FOXE3: variants seen among roughly 807,000 people sequenced by gnomAD.
The protein encoded by FOXE3 is forkhead box protein E3.
For missense variants in FOXE3, 520 were observed against 507.8 expected (o/e 1.02, Z -0.23); for synonymous variants, 274 against 258.3 (o/e 1.06, Z -0.58).
chr1:47,416,476 C>A lies in FOXE3; in HGVS notation c.161C>A (p.Thr54Lys), dbSNP rs1646883172. Residue 54 changes from threonine (T) to lysine (K), a missense_variant, in exon 1 of 1, where the codon ACG becomes AAG. Coordinates refer to ENST00000335071, the MANE Select transcript of FOXE3 (RefSeq NM_012186.3). The surrounding 1 kb of genome is among the most constrained non-coding windows in gnomAD (Gnocchi z 4.2). ...AAAGRGEAAP[T>K]PAPGPGRRRR... Reference sequence around the variant, plus strand: ...GCTGGCCGCGGAGAGGCGGCCCCCACGCCCGCGCCCGGCCCGGGGCGGCGG... The same window carrying A: ...GCTGGCCGCGGAGAGGCGGCCCCCAAGCCCGCGCCCGGCCCGGGGCGGCGG... The A allele has an allele frequency of 1.7e-6, 2 of 1,151,386 alleles. No individual in the cohort carries two copies. The highest frequency in any genetic ancestry group is 2.1e-6 in the Non-Finnish European group (2 of 936,572). 71.3% of individuals were successfully genotyped at this position (1,151,386 alleles called of 1,614,324 possible).
Position 47,416,657 on chromosome 1 carries a change from GTGGCA to G in FOXE3, c.343_347del (p.Trp115GlufsTer168), listed in dbSNP as rs958241794. Reference sequence around the variant, plus strand: ...CCTTCTACCGCGACAGCCCGCGCAAGTGGCAGAACAGCATCCGCCACAATCTCACG... The same window carrying G: ...CCTTCTACCGCGACAGCCCGCGCAAGGAACAGCATCCGCCACAATCTCACG... On this transcript the variant is annotated frameshift_variant, in exon 1 of 1. Coordinates refer to ENST00000335071, the MANE Select transcript of FOXE3 (RefSeq NM_012186.3). LOFTEE classifies it low-confidence loss of function (END_TRUNC). This position sits in a 1 kb window ranked among gnomAD's most constrained non-coding sequence, Gnocchi z 4.2. 8 of 1,610,190 alleles carry G rather than the reference GTGGCA, an allele frequency of 5.0e-6. No individual in the cohort carries two copies. Among genetic ancestry groups the G allele is most frequent in the Non-Finnish European group, 6.8e-6 (8 of 1,178,158 alleles).
In FOXE3 at chr1:47,416,564, T is replaced by A. The variant is rs2124042180; in HGVS notation, c.249T>A (p.Ala83=). Residue 83 remains alanine, a synonymous_variant, in exon 1 of 1, where the codon GCT becomes GCA. Coordinates refer to ENST00000335071, the MANE Select transcript of FOXE3 (RefSeq NM_012186.3). This position sits in a 1 kb window ranked among gnomAD's most constrained non-coding sequence, Gnocchi z 4.2. ...CGTACATCGCGCTCATCGCCATGGC[T>A]CTGGCGCACGCCCCGGGCCGCCGCC... ...PYSYIALIAM[A]LAHAPGRRLT... The A allele has an allele frequency of 6.3e-7, 1 of 1,596,130 alleles. No individual in the cohort carries two copies. The highest frequency in any genetic ancestry group is 1.7e-4 in the Middle Eastern group (1 of 5,860).
Position 47,418,023 on chromosome 1 carries a change from TAATTAAAAA to T in FOXE3, c.*749_*757del, listed in dbSNP as rs1271283387. The T allele has an allele frequency of 3.0e-5, 5 of 167,026 alleles. No homozygotes were observed. The highest frequency in any genetic ancestry group is 7.3e-5 in the Non-Finnish European group (5 of 68,182). The allele number at this position is 167,026 out of a possible 1,614,324, so 10.3% of individuals were successfully genotyped here. On this transcript the variant is annotated 3_prime_UTR_variant, in exon 1 of 1. Transcript: ENST00000335071. ...TTATTATTTTTAATTAAAGCTGGTT[TAATTAAAAA>T]GAAAGAAACTTTTTTCTGGACTTGG...
Position 47,416,945 on chromosome 1 carries a change from C to A in FOXE3, c.630C>A (p.Pro210=). The A allele has an allele frequency of 7.5e-7, 1 of 1,333,202 alleles. No homozygotes were observed. The highest frequency in any genetic ancestry group is 4.0e-5 in the East Asian group (1 of 24,976). The allele number at this position is 1,333,202 out of a possible 1,614,324, so 82.6% of individuals were successfully genotyped here. A position where few individuals can be genotyped will look rare whatever the true frequency, so the allele number is the denominator to read the frequency against. Residue 210 remains proline, a synonymous_variant, in exon 1 of 1, where the codon CCC becomes CCA. Coordinates refer to ENST00000335071, the MANE Select transcript of FOXE3 (RefSeq NM_012186.3). This position sits in a 1 kb window ranked among gnomAD's most constrained non-coding sequence, Gnocchi z 4.2. The part of the protein sequence containing the change: ...LVPPPSAGPG[P]SPPARLFSVD... ...CGCCGCCTTCTGCCGGACCGGGCCC[C>A]TCGCCGCCCGCGCGTCTGTTCAGCG...
At position 47,417,601 on chromosome 1, in the gene FOXE3, C is replaced by T. The variant is rs1458089803; in HGVS notation, c.*326C>T. 1.2e-5 allele frequency: 3 copies of T among 243,736 alleles called. No individual in the cohort carries two copies. The highest frequency in any genetic ancestry group is 2.5e-5 in the Non-Finnish European group (3 of 117,956). The allele number at this position is 243,736 out of a possible 1,614,324, so 15.1% of individuals were successfully genotyped here. Reference sequence around the variant, plus strand: ...CCCTTGCCCCGGAGCTGACTCGCCTCCAGTGAGTCCATACCCCAGGTTTCC... The same window carrying T: ...CCCTTGCCCCGGAGCTGACTCGCCTTCAGTGAGTCCATACCCCAGGTTTCC... On this transcript the variant is annotated 3_prime_UTR_variant, in exon 1 of 1. Transcript: ENST00000335071. The surrounding 1 kb of genome is among the most constrained non-coding windows in gnomAD (Gnocchi z 4.3).
In FOXE3 at chr1:47,417,749, GACTT is replaced by G. The variant is rs201356601; in HGVS notation, c.*479_*482del. The G allele has an allele frequency of 0.011, 1,784 of 167,968 alleles. 29 individuals are homozygous for G. The highest frequency in any genetic ancestry group is 0.037 in the African/African-American group (1,532 of 41,500). The allele number at this position is 167,968 out of a possible 1,614,324, so 10.4% of individuals were successfully genotyped here. On this transcript the variant is annotated 3_prime_UTR_variant, in exon 1 of 1. Transcript: ENST00000335071. This position sits in a 1 kb window ranked among gnomAD's most constrained non-coding sequence, Gnocchi z 4.3. ...TCCTGGGTCAGACTCCTGGGTTCAT[GACTT>G]ACTTGCTAGCGTCCCTTCATTTTCC...
Position 47,416,820 on chromosome 1 carries a change from C to A in FOXE3, c.505C>A (p.Arg169Ser), listed in dbSNP as rs1035424807. The A allele has an allele frequency of 1.9e-6, 3 of 1,553,220 alleles. No individual in the cohort carries two copies. The highest frequency in any genetic ancestry group is 2.8e-5 in the African/African-American group (2 of 70,304). ...CCTGCGGCGCCGCAAGCGCTTCAAGCGCGCCGAGCTGCCCGCGCACGCGGC... is the reference window on the plus strand; with the variant it reads ...CCTGCGGCGCCGCAAGCGCTTCAAGAGCGCCGAGCTGCCCGCGCACGCGGC... ...SFLRRRKRFK[R>S]AELPAHAAAA... Residue 169 changes from arginine (R) to serine (S), a missense_variant, in exon 1 of 1, where the codon CGC becomes AGC. By Grantham distance (110) the Arg-to-Ser change is moderately radical. Transcript: ENST00000335071. This position sits in a 1 kb window ranked among gnomAD's most constrained non-coding sequence, Gnocchi z 4.2.
rs1373839267 is a variant in FOXE3 at position 47,417,154 on chromosome 1, C to T, written c.839C>T (p.Pro280Leu). ...CCCGCGACGCGCCCCGGCCCCGGCC[C>T]GCTGCCCGCTGAGCCCCTCCTGGCC... is the stretch of plus-strand genomic sequence containing the variant. Reference protein sequence around the residue: ...VLPATRPGPGPLPAEPLLALA... With the variant: ...VLPATRPGPGLLPAEPLLALA... The change falls in exon 1 of 1, where the codon CCG (proline) becomes CTG (leucine). Residue 280 changes from proline (P) to leucine (L), a missense_variant. By Grantham distance (98) the Pro-to-Leu change is moderately conservative. Transcript: ENST00000335071. The surrounding 1 kb of genome is among the most constrained non-coding windows in gnomAD (Gnocchi z 4.3). 7.1e-7 allele frequency: 1 copy of T among 1,405,298 alleles called. No homozygotes were observed. 87.1% of individuals were successfully genotyped at this position (1,405,298 alleles called of 1,614,324 possible).
chr1:47,416,813 C>A lies in FOXE3; in HGVS notation c.498C>A (p.Arg166=), dbSNP rs747040897. ...DNGSFLRRRK[R]FKRAELPAHA... Reference sequence around the variant, plus strand: ...GCAGCTTCCTGCGGCGCCGCAAGCGCTTCAAGCGCGCCGAGCTGCCCGCGC... The same window carrying A: ...GCAGCTTCCTGCGGCGCCGCAAGCGATTCAAGCGCGCCGAGCTGCCCGCGC... Residue 166 remains arginine (R), a synonymous_variant, in exon 1 of 1, where the codon CGC becomes CGA. Transcript: ENST00000335071. This position sits in a 1 kb window ranked among gnomAD's most constrained non-coding sequence, Gnocchi z 4.2. The A allele has an allele frequency of 6.3e-7, 1 of 1,575,698 alleles. No homozygotes were observed. Among genetic ancestry groups the A allele is most frequent in the Admixed American group, 1.8e-5 (1 of 55,690 alleles).
Position 47,417,366 on chromosome 1 carries a change from C to A in FOXE3, c.*91C>A. 1 of 1,084,126 alleles carries A rather than the reference C, an allele frequency of 9.2e-7. No individual in the cohort carries two copies. Among genetic ancestry groups the A allele is most frequent in the Non-Finnish European group, 1.2e-6 (1 of 839,606 alleles). The allele number at this position is 1,084,126 out of a possible 1,614,324, so 67.2% of individuals were successfully genotyped here. A position where few individuals can be genotyped will look rare whatever the true frequency, so the allele number is the denominator to read the frequency against. On this transcript the variant is annotated 3_prime_UTR_variant, in exon 1 of 1. Coordinates refer to ENST00000335071, the MANE Select transcript of FOXE3 (RefSeq NM_012186.3). The surrounding 1 kb of genome is among the most constrained non-coding windows in gnomAD (Gnocchi z 4.3). ...GCCCCATCTCTACCCCCCACCCTGG[C>A]TTGGAGCACACCCTGCGCCTCTCGT...
rs886043204 is a variant in FOXE3 at position 47,416,610 on chromosome 1, C to T, written c.295C>T (p.Arg99Cys). ...CCGCCTCACGCTGGCCGCCATCTAC[C>T]GCTTCATCACCGAACGCTTTGCCTT... ...GRRLTLAAIY[R>C]FITERFAFYR... The change falls in exon 1 of 1, where the codon CGC (arginine) becomes TGC (cysteine). Residue 99 changes from arginine to cysteine, a missense_variant. Transcript: ENST00000335071. This position sits in a 1 kb window ranked among gnomAD's most constrained non-coding sequence, Gnocchi z 4.2. 1.2e-6 allele frequency: 2 copies of T among 1,609,756 alleles called. No homozygotes were observed. Among genetic ancestry groups the T allele is most frequent in the Non-Finnish European group, 1.7e-6 (2 of 1,178,040 alleles).
Position 47,417,566 on chromosome 1 carries a change from G to A in FOXE3, c.*291G>A. 3.3e-6 allele frequency: 1 copy of A among 301,436 alleles called. No homozygotes were observed. The highest frequency in any genetic ancestry group is 5.8e-5 in the East Asian group (1 of 17,230). The allele number at this position is 301,436 out of a possible 1,614,324, so 18.7% of individuals were successfully genotyped here. ...TTGCGGCGCCCCCCACCCCAGCGCTGTCTGTGGGTCCCTTGCCCCGGAGCT... is the reference window on the plus strand; with the variant it reads ...TTGCGGCGCCCCCCACCCCAGCGCTATCTGTGGGTCCCTTGCCCCGGAGCT... On this transcript the variant is annotated 3_prime_UTR_variant, in exon 1 of 1. Coordinates refer to ENST00000335071, the MANE Select transcript of FOXE3 (RefSeq NM_012186.3). This position sits in a 1 kb window ranked among gnomAD's most constrained non-coding sequence, Gnocchi z 4.3.
chr1:47,416,354 C>A lies in FOXE3; in HGVS notation c.39C>A (p.Phe13Leu). 1.4e-6 allele frequency: 2 copies of A among 1,383,728 alleles called. No individual in the cohort carries two copies. The highest frequency in any genetic ancestry group is 1.5e-5 in the South Asian group (1 of 64,722). The allele number at this position is 1,383,728 out of a possible 1,614,324, so 85.7% of individuals were successfully genotyped here. A position where few individuals can be genotyped will look rare whatever the true frequency, so the allele number is the denominator to read the frequency against. The part of the protein sequence containing the change: ...GRSDMDPPAA[F>L]SGFPALPAVA... ...GCGACATGGATCCGCCCGCCGCGTTCTCTGGCTTCCCTGCCCTGCCAGCGG... is the reference window on the plus strand; with the variant it reads ...GCGACATGGATCCGCCCGCCGCGTTATCTGGCTTCCCTGCCCTGCCAGCGG... The change falls in exon 1 of 1, where the codon TTC becomes TTA. Residue 13 changes from phenylalanine to leucine, a missense_variant. Physicochemically the swap from Phe to Leu is conservative, Grantham distance 22. Coordinates refer to ENST00000335071, the MANE Select transcript of FOXE3 (RefSeq NM_012186.3). This position sits in a 1 kb window ranked among gnomAD's most constrained non-coding sequence, Gnocchi z 4.2.
Position 47,416,726 on chromosome 1 carries a change from C to A in FOXE3, c.411C>A (p.Gly137=), listed in dbSNP as rs536267128. ...DCFVKVPREP[G]NPGKGNYWTL... Reference sequence around the variant, plus strand: ...TCGTCAAGGTGCCCCGCGAGCCGGGCAACCCGGGCAAGGGCAACTACTGGA... The same window carrying A: ...TCGTCAAGGTGCCCCGCGAGCCGGGAAACCCGGGCAAGGGCAACTACTGGA... The change falls in exon 1 of 1, where the codon GGC becomes GGA. Residue 137 remains glycine (G), a synonymous_variant. Coordinates refer to ENST00000335071, the MANE Select transcript of FOXE3 (RefSeq NM_012186.3). This position sits in a 1 kb window ranked among gnomAD's most constrained non-coding sequence, Gnocchi z 4.2. The A allele has an allele frequency of 9.9e-6, 16 of 1,609,088 alleles. No homozygotes were observed. In the Middle Eastern group the frequency reaches 8.4e-4, roughly 84 times the overall value.
At position 47,416,496 on chromosome 1, in the gene FOXE3, C is replaced by G; in HGVS notation, c.181C>G (p.Arg61Gly). The G allele has an allele frequency of 8.5e-7, 1 of 1,183,176 alleles. No homozygotes were observed. Among genetic ancestry groups the G allele is most frequent in the South Asian group, 2.9e-5 (1 of 34,742 alleles). The allele number at this position is 1,183,176 out of a possible 1,614,324, so 73.3% of individuals were successfully genotyped here. ...AAPTPAPGPG[R>G]RRRRPLQRGK... ...CCCCACGCCCGCGCCCGGCCCGGGG[C>G]GGCGGCGGCGGCGGCCCCTGCAGCG... The change falls in exon 1 of 1, where the codon CGG (arginine) becomes GGG (glycine). Residue 61 changes from arginine (R) to glycine (G), a missense_variant. Transcript: ENST00000335071. This position sits in a 1 kb window ranked among gnomAD's most constrained non-coding sequence, Gnocchi z 4.2.
At position 47,416,967 on chromosome 1, in the gene FOXE3, A is replaced by G; in HGVS notation, c.652A>G (p.Ser218Gly). The part of the protein sequence containing the change: ...PGPSPPARLF[S>G]VDSLVNLQPE... ...CCCCTCGCCGCCCGCGCGTCTGTTC[A>G]GCGTCGACAGCCTGGTGAACCTGCA... The change falls in exon 1 of 1, where the codon AGC becomes GGC. Residue 218 changes from serine to glycine, a missense_variant. By Grantham distance (56) the Ser-to-Gly change is moderately conservative (BLOSUM62 0). Transcript: ENST00000335071. This position sits in a 1 kb window ranked among gnomAD's most constrained non-coding sequence, Gnocchi z 4.2. The G allele has an allele frequency of 1.5e-6, 2 of 1,349,434 alleles. No individual in the cohort carries two copies. Among genetic ancestry groups the G allele is most frequent in the South Asian group, 1.5e-5 (1 of 67,814 alleles). 83.6% of individuals were successfully genotyped at this position (1,349,434 alleles called of 1,614,324 possible). A position where few individuals can be genotyped will look rare whatever the true frequency, so the allele number is the denominator to read the frequency against.
Position 47,416,314 on chromosome 1 carries a change from C to A in FOXE3, c.-2C>A, listed in dbSNP as rs1044411557. 4.5e-6 allele frequency: 6 copies of A among 1,337,852 alleles called. No individual in the cohort carries two copies. The highest frequency in any genetic ancestry group is 5.6e-4 in the Middle Eastern group (2 of 3,592). 82.9% of individuals were successfully genotyped at this position (1,337,852 alleles called of 1,614,324 possible). A position where few individuals can be genotyped will look rare whatever the true frequency, so the allele number is the denominator to read the frequency against. ...CCGCGCGGGCAGGGGCTGCCGCAGC[C>A]GATGGCGGGGCGCAGCGACATGGAT... On this transcript the variant is annotated 5_prime_UTR_variant, in exon 1 of 1. Coordinates refer to ENST00000335071, the MANE Select transcript of FOXE3 (RefSeq NM_012186.3). This position sits in a 1 kb window ranked among gnomAD's most constrained non-coding sequence, Gnocchi z 4.2.
rs1230387754 is a variant in FOXE3, at chr1:47,417,467, CACTGGACAGA to C, written c.*194_*203del. On this transcript the variant is annotated 3_prime_UTR_variant, in exon 1 of 1. Coordinates refer to ENST00000335071, the MANE Select transcript of FOXE3 (RefSeq NM_012186.3). This position sits in a 1 kb window ranked among gnomAD's most constrained non-coding sequence, Gnocchi z 4.3. ...CCTGGGGAGGCTCCCACCATCTCGC[CACTGGACAGA>C]AGCGTCCCCTTTGACCTGCCAGCCT... 1 of 418,456 alleles carries C rather than the reference CACTGGACAGA, an allele frequency of 2.4e-6. No homozygotes were observed. Among genetic ancestry groups the C allele is most frequent in the African/African-American group, 2.1e-5 (1 of 47,958 alleles). The allele number at this position is 418,456 out of a possible 1,614,324, so 25.9% of individuals were successfully genotyped here.
Position 47,416,982 on chromosome 1 carries a change from G to T in FOXE3, c.667G>T (p.Val223Leu), listed in dbSNP as rs1313908066. 1 of 1,353,882 alleles carries T rather than the reference G, an allele frequency of 7.4e-7. No individual in the cohort carries two copies. The highest frequency in any genetic ancestry group is 9.6e-7 in the Non-Finnish European group (1 of 1,045,848). The allele number at this position is 1,353,882 out of a possible 1,614,324, so 83.9% of individuals were successfully genotyped here. ...GCGTCTGTTCAGCGTCGACAGCCTG[G>T]TGAACCTGCAGCCGGAGCTAGCGGG... ...PARLFSVDSLVNLQPELAGLG... is the reference protein window; with the variant it reads ...PARLFSVDSLLNLQPELAGLG... Residue 223 changes from valine (V) to leucine (L), a missense_variant, in exon 1 of 1, where the codon GTG becomes TTG. Coordinates refer to ENST00000335071, the MANE Select transcript of FOXE3 (RefSeq NM_012186.3). This position sits in a 1 kb window ranked among gnomAD's most constrained non-coding sequence, Gnocchi z 4.2.
Sources: allele counts gnomAD v4.1 joint callset, GRCh38; gene constraint gnomAD v4.1.1; non-coding constraint Gnocchi (gnomAD v3.1); transcripts MANE v1.5; gene names NCBI Gene and HGNC (gene_info 2026-07-23, HGNC 2026-07-21).